The following CNKSR2 variants were observed in gnomAD, a reference collection of about 807,000 sequenced individuals.
The protein encoded by CNKSR2 is connector enhancer of kinase suppressor of Ras 2.
A neutral mutation model predicts 84.4 loss-of-function variants in CNKSR2; 14 were observed. That is an observed-to-expected ratio of 0.17 (90% CI 0.11 to 0.26). The LOEUF (loss-of-function observed/expected upper bound fraction) is 0.26. Ranked by LOEUF, CNKSR2 falls within the 10% of genes least tolerant of loss-of-function variation. CNKSR2 has a pLI of 1.00. For synonymous variants in CNKSR2, 275 were observed against 277.9 expected, an observed-to-expected ratio of 0.99 and a Z score of 0.10; for missense variants, 485 against 771.2, an observed-to-expected ratio of 0.63 and a Z score of 4.40.
chrX:21,493,639 A>G, intron 6 of CNKSR2: 1 of 112,092 alleles, frequency 8.9e-6, no homozygotes. Flanking sequence ...GAGTCATTTG[A>G]ATTACATGTC....
chrX:21,457,043 C>T (rs1280417018), intron 4 of CNKSR2, among the ~76,000 whole-genome samples: 2 of 111,191 alleles, frequency 1.8e-5, no homozygotes, highest in African/African-American at 6.5e-5. Flanking sequence ...AGGTCCTTTG[C>T]CCAGTTTTTA....
At chrX:21,631,164 C>G (rs1261408568) in intron 20 of CNKSR2, among the ~76,000 whole-genome samples, 2 of 110,166 alleles carry the variant, frequency 1.8e-5, no homozygotes, top group Non-Finnish European at 3.8e-5. Flanking sequence ...TCTACAAATA[C>G]AAAAATTAGC....
chrX:21,619,116 A>G (rs1445848783), intron 20 of CNKSR2, among the ~76,000 whole-genome samples: 1 of 112,410 alleles, frequency 8.9e-6, no homozygotes, highest in Non-Finnish European at 1.9e-5. Flanking sequence ...AGATGAGATC[A>G]CTTAAAGAGC....
intron 4 of CNKSR2, among the ~76,000 whole-genome samples, chrX:21,458,054 C>G (rs1283378988): frequency 1.8e-5 from 2 of 111,512 alleles, no homozygotes; most frequent in African/African-American, 6.5e-5. Flanking sequence ...TGTTTTCTTC[C>G]AGATGTGGCC....
chrX:21,393,313 C>T (rs921457414), intron 1 of CNKSR2, among the ~76,000 whole-genome samples: 1 of 111,864 alleles, frequency 8.9e-6, no homozygotes, highest in Non-Finnish European at 1.9e-5. Context: ...GCTATGCTCA[C>T]GGGAATGAAG....
chrX:21,420,796 G>A (rs922670892), intron 1 of CNKSR2, among the ~76,000 whole-genome samples: 4 of 110,133 alleles, frequency 3.6e-5, no homozygotes, highest in Admixed American at 9.7e-5. Context: ...CTCCTCAAGC[G>A]GAAGGAAGGA....
intron 4 of CNKSR2, 37 bp downstream of exon 4, chrX:21,440,818 A>G: frequency 1.1e-6 from 1 of 877,091 alleles, no homozygotes; most frequent in Non-Finnish European, 1.7e-6. Context: ...TTAATTTATT[A>G]GCAACTTCAT....
At chrX:21,480,527 C>T (rs747436595) in intron 5 of CNKSR2, among the ~76,000 whole-genome samples, 12 of 111,975 alleles carry the variant, frequency 1.1e-4, no homozygotes, top group African/African-American at 2.9e-4. Context: ...TCATCTTCTT[C>T]GGAACCTGCC....
chrX:21,387,423 A>C (rs1463877518), intron 1 of CNKSR2, among the ~76,000 whole-genome samples: 1 of 111,672 alleles, frequency 9.0e-6, no homozygotes, highest in Admixed American at 9.5e-5. Context: ...TCGAGGCTGC[A>C]GTGGGCTGTG....
intron 14 of CNKSR2, 73 bp from the exon 15 acceptor site, chrX:21,590,948 CT>C: frequency 1.1e-6 from 1 of 903,364 alleles, no homozygotes; most frequent in Admixed American, 3.3e-5. Context: ...ACTCATACTT[CT>C]TTTTGGTATC....
intron 11 of CNKSR2, among the ~76,000 whole-genome samples, chrX:21,553,201 A>G (rs1263754492): frequency 3.6e-5 from 4 of 111,838 alleles, no homozygotes; most frequent in African/African-American, 1.3e-4. Flanking sequence ...ATTTTTGAAG[A>G]AAAATTAATT....
At chrX:21,630,690 G>GTATA (rs1466122170) in intron 20 of CNKSR2, among the ~76,000 whole-genome samples, 3 of 104,817 alleles carry the variant, frequency 2.9e-5, no homozygotes, top group Admixed American at 2.0e-4. Context: ...CACTATATAT[G>GTATA]TATATAATAC....
chrX:21,417,164 T>C (rs1266701500), intron 1 of CNKSR2, among the ~76,000 whole-genome samples: 1 of 112,289 alleles, frequency 8.9e-6, no homozygotes, highest in African/African-American at 3.2e-5. Flanking sequence ...CCTAATTTCT[T>C]CATTGATCCA....
intron 11 of CNKSR2, among the ~76,000 whole-genome samples, chrX:21,550,252 A>G (rs955829121): frequency 1.8e-5 from 2 of 112,355 alleles, no homozygotes; most frequent in Admixed American, 1.9e-4. Flanking sequence ...AAAAGTGGGC[A>G]AAGGATATGA....
rs138782172 is a variant in CNKSR2 at position 21,606,819 on chromosome X, A to G, written c.2085A>G (p.Pro695=). The G allele has an allele frequency of 9.1e-6, 11 of 1,203,073 alleles. No homozygotes were observed. The highest frequency in any genetic ancestry group is 1.2e-5 in the Non-Finnish European group (11 of 889,865). The change falls in exon 19 of 22, where the codon CCA becomes CCG. Residue 695 remains proline, a synonymous_variant. Transcript: ENST00000379510. ...SESDKEEADT[P]STPKQDSPPP... The stretch of plus-strand genomic sequence containing the variant: ...GTGACAAGGAAGAAGCAGATACTCC[A>G]TCAACACCAAAACAAGATAGCCCTC...
At chrX:21,440,635 A>G in intron 3 of CNKSR2, 59 bp from the exon 4 acceptor site, 2 of 580,607 alleles carry the variant, frequency 3.4e-6, no homozygotes, top group Non-Finnish European at 5.5e-6. Context: ...AGGCTACTAT[A>G]TTTTGGGACT....
At chrX:21,484,580 T>G (rs1030905194) in intron 5 of CNKSR2, among the ~76,000 whole-genome samples, 2 of 111,678 alleles carry the variant, frequency 1.8e-5, no homozygotes, top group Non-Finnish European at 3.8e-5. Context: ...ATTCCTTGTA[T>G]ATACGTATAT....
intron 4 of CNKSR2, among the ~76,000 whole-genome samples, chrX:21,450,736 T>G (rs1216694388): frequency 8.9e-6 from 1 of 111,959 alleles, no homozygotes; most frequent in East Asian, 2.8e-4. Context: ...CCTTGGGATA[T>G]AGTAGATGGT....
At chrX:21,641,166 G>A (rs778238695) in intron 20 of CNKSR2, among the ~76,000 whole-genome samples, 17 of 112,029 alleles carry the variant, frequency 1.5e-4, no homozygotes, top group African/African-American at 5.2e-4. Flanking sequence ...AAAAGAAATG[G>A]TAATTTTACA....
Sources: allele counts gnomAD v4.1 joint callset (sites outside exome capture counted in the v4.1 genomes callset), GRCh38; gene constraint gnomAD v4.1.1; transcripts MANE v1.5; gene names NCBI Gene and HGNC (gene_info 2026-07-23, HGNC 2026-07-21).